Variants in COL22A1 observed in about 807,000 individuals in gnomAD.
The protein encoded by COL22A1 is collagen alpha-1(XXII) chain.
Under a neutral mutation model 248.9 loss-of-function variants are expected in COL22A1, and 221 were observed. That is an observed-to-expected ratio of 0.89 (90% CI 0.80 to 0.99). COL22A1 has a LOEUF of 0.99. Among genes scored for constraint, COL22A1 ranks in the 50% least tolerant of loss-of-function variants. COL22A1 has a pLI of 0.00. For missense variants in COL22A1, 2,240 were observed against 2,179.0 expected, an observed-to-expected ratio of 1.03 and a Z score of -0.56; for synonymous variants, 891 against 793.4, an observed-to-expected ratio of 1.12 and a Z score of -2.07.
chr8:138,643,351 C>T (rs898328851), intron 47 of COL22A1, among the ~76,000 whole-genome samples: 4 of 152,296 alleles, frequency 2.6e-5, no homozygotes, highest in East Asian at 1.9e-4. Context: ...TCACAGTCCA[C>T]GGGTCATGAT....
chr8:138,651,748 G>C (rs541490699), intron 45 of COL22A1, among the ~76,000 whole-genome samples: 1 of 152,278 alleles, frequency 6.6e-6, no homozygotes, highest in East Asian at 1.9e-4. Context: ...TGGATGGATG[G>C]ATGCAAATGG....
chr8:138,905,518 C>A (rs982504180), intron 1 of COL22A1, among the ~76,000 whole-genome samples: 1 of 152,154 alleles, frequency 6.6e-6, no homozygotes, highest in Non-Finnish European at 1.5e-5. Flanking sequence ...CTGTTTAGAG[C>A]TCCTACCTTA....
chr8:138,829,401 C>CTCTTT (rs1483155408), intron 5 of COL22A1, among the ~76,000 whole-genome samples: 1 of 82,254 alleles, frequency 1.2e-5, no homozygotes, highest in African/African-American at 4.2e-5. Context: ...CCTTCCTTTC[C>CTCTTT]TGTTTTTTTT....
chr8:138,601,980 A>C lies in COL22A1; in HGVS notation c.4185+135T>G, dbSNP rs534852223. On this transcript the variant is annotated intron_variant, in intron 60 of 64. Transcript: ENST00000303045. The stretch of plus-strand genomic sequence containing the variant: ...CTGGTGATCATCCAGGAAAAAGTGA[A>C]CAAAATCACTACAGGCGGCATGATC... The C allele has an allele frequency of 2.9e-5, 25 of 849,946 alleles. No individual in the cohort carries two copies. In the East Asian group the frequency reaches 6.2e-4, roughly 21 times the overall value. 52.7% of individuals were successfully genotyped at this position (849,946 alleles called of 1,614,324 possible). A position where few individuals can be genotyped will look rare whatever the true frequency, so the allele number is the denominator to read the frequency against.
At chr8:138,823,694 C>A (rs1010790629) in intron 6 of COL22A1, among the ~76,000 whole-genome samples, 1 of 152,256 alleles carries the variant, frequency 6.6e-6, no homozygotes, top group African/African-American at 2.4e-5. Context: ...GCATGAGCCA[C>A]TGTGCCCAAC....
At chr8:138,700,210 C>T (rs1827841847) in intron 31 of COL22A1, 66 bp from the exon 32 acceptor site, 1 of 1,500,976 alleles carries the variant, frequency 6.7e-7, no homozygotes, top group Non-Finnish European at 9.2e-7. Context: ...ATTTTTAAAA[C>T]CTGCCTTGGA....
intron 11 of COL22A1, among the ~76,000 whole-genome samples, chr8:138,802,634 A>T (rs1817094537): frequency 6.6e-6 from 1 of 152,188 alleles, no homozygotes; most frequent in Non-Finnish European, 1.5e-5. Context: ...TTCAAAGCAC[A>T]GAATTCTGGT....
intron 1 of COL22A1, among the ~76,000 whole-genome samples, chr8:138,909,834 C>A (rs1815310628): frequency 6.6e-6 from 1 of 152,212 alleles, no homozygotes; most frequent in African/African-American, 2.4e-5. Flanking sequence ...AGGATGTTAG[C>A]CCTGCTTTCA....
At chr8:138,633,678 C>A (rs1820914783) in intron 49 of COL22A1, among the ~76,000 whole-genome samples, 1 of 152,230 alleles carries the variant, frequency 6.6e-6, no homozygotes, top group Non-Finnish European at 1.5e-5. Flanking sequence ...ACTAACACCT[C>A]TCCCTACTAC....
intron 22 of COL22A1, among the ~76,000 whole-genome samples, chr8:138,743,090 A>G (rs1253386863): frequency 3.7e-5 from 5 of 134,432 alleles, no homozygotes; most frequent in African/African-American, 5.7e-5. Flanking sequence ...GGTGATGGTG[A>G]TGGTGGAGTT....
intron 47 of COL22A1, among the ~76,000 whole-genome samples, chr8:138,639,658 G>A (rs139436794): frequency 2.1e-4 from 32 of 151,968 alleles, no homozygotes; most frequent in African/African-American, 7.2e-4. Flanking sequence ...TTTTAGGGGG[G>A]GTCTCTTTGA....
rs764495845 is a variant in COL22A1 at position 138,751,459 on chromosome 8, C to G, written c.2084G>C (p.Arg695Pro). The G allele has an allele frequency of 1.2e-6, 2 of 1,610,128 alleles. No individual in the cohort carries two copies. Among genetic ancestry groups the G allele is most frequent in the Middle Eastern group, 1.7e-4 (1 of 6,048 alleles). The change falls in exon 22 of 65, where the codon CGA becomes CCA. Residue 695 changes from arginine (R) to proline (P), a missense_variant and splice_region_variant. Transcript: ENST00000303045. ...ACAAAGAAAAGAGAGTTTACTTACT[C>G]GGAGACCTTGCAAACCAGGAGGTCC... is the stretch of plus-strand genomic sequence containing the variant. ...RDGPPGLQGLRGKKGDMGPPG... is the reference protein window; with the variant it reads ...RDGPPGLQGLPGKKGDMGPPG...
At chr8:138,700,810 CA>C (rs1397838987) in intron 31 of COL22A1, among the ~76,000 whole-genome samples, 2 of 152,086 alleles carry the variant, frequency 1.3e-5, no homozygotes, top group South Asian at 2.1e-4. Flanking sequence ...TGGTGAAACC[CA>C]GTCTCTACTA....
chr8:138,597,616 G>A (rs1817648563), intron 61 of COL22A1, among the ~76,000 whole-genome samples: 1 of 152,214 alleles, frequency 6.6e-6, no homozygotes, highest in Non-Finnish European at 1.5e-5. Context: ...AGGCTGTACA[G>A]AGCTGGTCCC....
chr8:138,890,957 A>T (rs1202838462), intron 1 of COL22A1, among the ~76,000 whole-genome samples: 1 of 152,024 alleles, frequency 6.6e-6, no homozygotes, highest in Non-Finnish European at 1.5e-5. Flanking sequence ...CAGGAGGTGG[A>T]GGTTGCAGTG....
chr8:138,642,358 A>G (rs142600440), intron 47 of COL22A1, among the ~76,000 whole-genome samples: 473 of 152,312 alleles, frequency 3.1e-3, no homozygotes, highest in African/African-American at 0.01. Context: ...CAATTGCAGG[A>G]AATAGTAACC....
rs371313305 is a variant in COL22A1, at chr8:138,602,085, G to T, written c.4185+30C>A. ...CCACTGTGCAAAGGTCGCGTTCGGC[G>T]TGTTCAAGGTGCCTGTGCTCTCCAC... On this transcript the variant is annotated intron_variant, in intron 60 of 64. Transcript: ENST00000303045. The T allele has an allele frequency of 8.1e-6, 13 of 1,613,652 alleles. No homozygotes were observed. In the East Asian group the frequency reaches 2.9e-4, roughly 36 times the overall value.
At chr8:138,730,348 T>C (rs1317748464) in intron 23 of COL22A1, among the ~76,000 whole-genome samples, 1 of 152,090 alleles carries the variant, frequency 6.6e-6, no homozygotes, top group East Asian at 1.9e-4. Flanking sequence ...GAAGAAGTTA[T>C]CCCTGGAGAC....
intron 53 of COL22A1, among the ~76,000 whole-genome samples, chr8:138,618,166 T>C (rs1264314198): frequency 6.6e-6 from 1 of 152,248 alleles, no homozygotes; most frequent in Non-Finnish European, 1.5e-5. Flanking sequence ...GGAGCTATTA[T>C]GACTGCCATT....
Sources: gnomAD v4.1 joint callset for allele counts (sites outside exome capture counted in the v4.1 genomes callset) on GRCh38, gnomAD v4.1.1 for gene constraint, MANE v1.5 for transcripts, NCBI Gene and HGNC (gene_info 2026-07-23, HGNC 2026-07-21) for gene names.